The following CDK11A variants were observed in gnomAD, a reference collection of about 807,000 sequenced individuals.
CDK11A encodes the protein cyclin dependent kinase 11A, also known as cyclin-dependent kinase 11A.
In CDK11A, 55 loss-of-function variants were observed where a neutral mutation model predicts 83.6. That is an observed-to-expected ratio of 0.66 (90% CI 0.53 to 0.82). The LOEUF (loss-of-function observed/expected upper bound fraction) is 0.82, where lower values mean the gene tolerates loss of function less well. CDK11A is among the 40% of genes least tolerant of loss of function. The pLI is 0.00. For synonymous variants in CDK11A, 247 were observed against 302.7 expected (o/e 0.82, Z 1.91); for missense variants, 564 against 810.1 (o/e 0.70, Z 3.69).
rs1005381224 is a variant in CDK11A at position 1,706,915 on chromosome 1, C to T, written c.1245+494G>A. On this transcript the variant is annotated intron_variant, in intron 11 of 19. Transcript: ENST00000404249. Reference sequence around the variant, plus strand: ...GCCACTGGTACCTTCTCAGGCTTGTCCCTTCCAAATCACTCCCAACAATAT... The same window carrying T: ...GCCACTGGTACCTTCTCAGGCTTGTTCCTTCCAAATCACTCCCAACAATAT... 2.7e-5 allele frequency among the ~76,000 whole-genome samples: 4 copies of T among 147,298 alleles called. No individual in the cohort carries two copies. In the East Asian group the frequency reaches 5.9e-4, roughly 22 times the overall value.
intron 11 of CDK11A, among the ~76,000 whole-genome samples, chr1:1,706,163 C>T (rs909220518): frequency 1.3e-5 from 2 of 148,990 alleles, no homozygotes; most frequent in Admixed American, 1.3e-4. Context: ...ACCTCCACCT[C>T]CTGGGTTCAG....
At chr1:1,704,486 C>T (rs1319078142) in intron 14 of CDK11A, 64 bp downstream of exon 14, 5 of 1,563,710 alleles carry the variant, frequency 3.2e-6, no homozygotes, top group Admixed American at 1.9e-5. Flanking sequence ...GCACTGTCAC[C>T]GCGGGGGTGA....
Position 1,703,847 on chromosome 1 carries a change from C to G in CDK11A, c.1888G>C (p.Asp630His). The G allele has an allele frequency of 6.2e-7, 1 of 1,609,718 alleles. No homozygotes were observed. Among genetic ancestry groups the G allele is most frequent in the East Asian group, 2.2e-5 (1 of 44,800 alleles). Residue 630 changes from aspartate to histidine, a missense_variant, in exon 17 of 20, where the codon GAT becomes CAT. Physicochemically the swap from Asp to His is moderately conservative, Grantham distance 81. Coordinates refer to ENST00000404249, the MANE Select transcript of CDK11A (RefSeq NM_024011.4). ...ACCTTGAACACTTTGTTGATCTGAT[C>G]GATTTCCGAATTCCCGGGGAACAGA... ...KPLFPGNSEI[D>H]QINKVFKELG... is the part of the protein sequence containing the mutation.
intron 3 of CDK11A, among the ~76,000 whole-genome samples, chr1:1,720,240 GCCCA>G (rs1336732369): frequency 6.7e-6 from 1 of 149,852 alleles, no homozygotes; most frequent in Non-Finnish European, 1.5e-5. Context: ...GACTACAGGC[GCCCA>G]CCACCACGCC....
At chr1:1,718,094 C>G (rs1205613244) in intron 4 of CDK11A, among the ~76,000 whole-genome samples, 3 of 136,088 alleles carry the variant, frequency 2.2e-5, no homozygotes, top group South Asian at 2.4e-4. Context: ...ACGCTTTCAG[C>G]TAGAGTTTGC....
At chr1:1,721,411 C>T (rs1570440495) in intron 3 of CDK11A, among the ~76,000 whole-genome samples, 185 bp downstream of exon 3, 1 of 150,890 alleles carries the variant, frequency 6.6e-6, no homozygotes, top group Non-Finnish European at 1.5e-5. Context: ...CACCCTGTCA[C>T]GGTAACCTTA....
chr1:1,706,907 A>C (rs2101178293), intron 11 of CDK11A, among the ~76,000 whole-genome samples: 1 of 147,488 alleles, frequency 6.8e-6, no homozygotes, highest in African/African-American at 2.6e-5. Flanking sequence ...GTACCTTCTC[A>C]GGCTTGTCCC....
chr1:1,704,675 G>A lies in CDK11A; in HGVS notation c.1459-20C>T. 1.9e-6 allele frequency: 3 copies of A among 1,596,036 alleles called. No homozygotes were observed. Among genetic ancestry groups the A allele is most frequent in the South Asian group, 2.2e-5 (2 of 89,048 alleles). ...AATCTCCTGCAGGGCACGGCTCTGT[G>A]GGTGCTGGGCACCTCCAGGCCCCCA... On this transcript the variant is annotated intron_variant, in intron 13 of 19. Coordinates refer to ENST00000404249, the MANE Select transcript of CDK11A (RefSeq NM_024011.4).
chr1:1,703,617 C>T lies in CDK11A; in HGVS notation c.1919G>A (p.Gly640Glu). ...GGGCCAGATTTTCTCACTGGGGGTCCCCAGCTCCTGAAAGACAGAGGTGCT... is the reference window on the plus strand; with the variant it reads ...GGGCCAGATTTTCTCACTGGGGGTCTCCAGCTCCTGAAAGACAGAGGTGCT... ...DQINKVFKELGTPSEKIWPGY... is the reference protein window; with the variant it reads ...DQINKVFKELETPSEKIWPGY... Residue 640 changes from glycine (G) to glutamate (E), a missense_variant, in exon 18 of 20, where the codon GGG becomes GAG. Around this residue, in one of 5 missense-constraint regions of CDK11A, gnomAD observed 361 missense variants for 402.7 expected, o/e 0.90. Coordinates refer to ENST00000404249, the MANE Select transcript of CDK11A (RefSeq NM_024011.4). 2.5e-6 allele frequency: 4 copies of T among 1,597,048 alleles called. No homozygotes were observed. Among genetic ancestry groups the T allele is most frequent in the South Asian group, 1.1e-5 (1 of 88,720 alleles).
chr1:1,722,241 G>A (rs928922819), intron 2 of CDK11A, among the ~76,000 whole-genome samples: 2 of 151,154 alleles, frequency 1.3e-5, no homozygotes, highest in South Asian at 2.1e-4. Context: ...AGGTATGCCT[G>A]TACTCACTAA....
intron 9 of CDK11A, among the ~76,000 whole-genome samples, 190 bp from the exon 10 acceptor site, chr1:1,708,435 G>C (rs1644404030): frequency 6.7e-6 from 1 of 149,050 alleles, no homozygotes; most frequent in Non-Finnish European, 1.5e-5. Context: ...GAGGTCAGGA[G>C]TTCGAGACCA....
In CDK11A at chr1:1,704,096, G is replaced by A. The variant is rs747334052; in HGVS notation, c.1737C>T (p.Tyr579=). Residue 579 remains tyrosine (Y), a synonymous_variant, in exon 16 of 20, where the codon TAC becomes TAT. Coordinates refer to ENST00000404249, the MANE Select transcript of CDK11A (RefSeq NM_024011.4). ...AREYGSPLKA[Y]TPVVVTQWYR... ...ACCACTGGGTCACCACGACCGGGGT[G>A]TAGGCCTTCAGAGGGGATCCGTACT... The A allele has an allele frequency of 2.6e-5, 42 of 1,600,688 alleles. 1 individual carries two copies. The East Asian group carries it at 8.1e-4, about 31-fold the overall frequency.
intron 3 of CDK11A, among the ~76,000 whole-genome samples, chr1:1,719,874 C>G (rs1324761690): frequency 6.6e-6 from 1 of 150,696 alleles, no homozygotes; most frequent in East Asian, 1.9e-4. Flanking sequence ...CTCGGCTTCC[C>G]AAAGTGCTGG....
chr1:1,706,571 GTC>G (rs1181983249), intron 11 of CDK11A, among the ~76,000 whole-genome samples: 3 of 151,266 alleles, frequency 2.0e-5, no homozygotes, highest in Non-Finnish European at 4.4e-5. Flanking sequence ...CATCCGGAGA[GTC>G]TCTCTGTCAA....
At chr1:1,704,871 A>C (rs769271894) in intron 13 of CDK11A, 33 bp downstream of exon 13, 3 of 1,606,174 alleles carry the variant, frequency 1.9e-6, no homozygotes, top group South Asian at 1.1e-5. Flanking sequence ...AAAGCCTTCC[A>C]CCCGGGGCCA....
In CDK11A at chr1:1,707,073, C is replaced by T. The variant is rs569425803; in HGVS notation, c.1245+336G>A. 1.0e-3 allele frequency among the ~76,000 whole-genome samples: 149 copies of T among 143,234 alleles called. 3 individuals are homozygous for T. The highest frequency in any genetic ancestry group is 1.1e-3 in the Non-Finnish European group (74 of 66,700). The allele number at this position is 143,234 out of a possible 152,430, so 94.0% of individuals were successfully genotyped here. On this transcript the variant is annotated intron_variant, in intron 11 of 19. Transcript: ENST00000404249. Reference sequence around the variant, plus strand: ...CCTTGGTGCCTACATAACCCGCCCACGCAGGGGTCAAGTGGAAGGCACTGC... The same window carrying T: ...CCTTGGTGCCTACATAACCCGCCCATGCAGGGGTCAAGTGGAAGGCACTGC...
chr1:1,720,650 G>C lies in CDK11A; in HGVS notation c.227+946C>G, dbSNP rs138117268. On this transcript the variant is annotated intron_variant, in intron 3 of 19. Transcript: ENST00000404249. ...ATGACCTCATGATCCACCCGCCTCA[G>C]CCTCCCAAAGTGCTGGGATTACAGG... 4.7e-3 allele frequency among the ~76,000 whole-genome samples: 715 copies of C among 150,830 alleles called. 32 individuals carry two copies. Among genetic ancestry groups the C allele is most frequent in the African/African-American group, 0.015 (632 of 41,072 alleles).
intron 17 of CDK11A, 30 bp downstream of exon 17, chr1:1,703,794 A>G (rs1644183727): frequency 1.2e-6 from 2 of 1,607,670 alleles, no homozygotes; most frequent in Non-Finnish European, 1.7e-6. Context: ...TCTGAAATCC[A>G]TAGCGCACCT....
In CDK11A at chr1:1,703,238, T is replaced by A. The variant is rs1198604989; in HGVS notation, c.2092A>T (p.Ser698Cys). The change falls in exon 19 of 20, where the codon AGC becomes TGC. Residue 698 changes from serine (S) to cysteine (C), a missense_variant. Transcript: ENST00000404249. ...TCATGCTTGAGGCCGTCCTCAGCGC[T>A]GATCCTCCTCCCGGGGAAGTAGGTC... ...FLTYFPGRRI[S>C]AEDGLKHEYF... 25 of 459,826 alleles carry A rather than the reference T, an allele frequency of 5.4e-5. 2 individuals carry two copies. The highest frequency in any genetic ancestry group is 5.0e-4 in the Middle Eastern group (1 of 2,002). 28.5% of individuals were successfully genotyped at this position (459,826 alleles called of 1,614,324 possible).
Sources: gnomAD v4.1 joint callset for allele counts (sites outside exome capture counted in the v4.1 genomes callset) on GRCh38, gnomAD v4.1.1 for gene constraint, gnomAD v4.1.1 regional missense constraint, MANE v1.5 for transcripts, NCBI Gene and HGNC (gene_info 2026-07-23, HGNC 2026-07-21) for gene names.